SV2C: variants seen among roughly 807,000 people sequenced by gnomAD.
The protein encoded by SV2C is solute carrier family 22 member B3.
A neutral mutation model predicts 79.7 loss-of-function variants in SV2C; 49 were observed. The observed-to-expected ratio is 0.61, with a 90% CI of 0.49 to 0.78. The LOEUF is 0.78. SV2C is among the 30% of genes least tolerant of loss of function. The pLI is 0.00. For missense variants in SV2C, 833 were observed against 912.9 expected (o/e 0.91, Z 1.13); for synonymous variants, 334 against 333.2 (o/e 1.00, Z -0.03).
chr5:76,131,887 A>G lies in SV2C; in HGVS notation c.137A>G (p.Tyr46Cys). The change falls in exon 2 of 13, where the codon TAC becomes TGC. Residue 46 changes from tyrosine to cysteine, a missense_variant. Transcript: ENST00000502798. The part of the protein sequence containing the change: ...RAQDEYTQRS[Y>C]SRFQDEEDDD... ...CAGGATGAATACACCCAGAGGTCCT[A>G]CAGTCGGTTCCAAGATGAAGAAGAT... 1.2e-6 allele frequency: 2 copies of G among 1,614,110 alleles called. No homozygotes were observed. The highest frequency in any genetic ancestry group is 1.7e-6 in the Non-Finnish European group (2 of 1,180,002).
chr5:76,205,508 C>T (rs190976375), intron 3 of SV2C, among the ~76,000 whole-genome samples: 1 of 152,108 alleles, frequency 6.6e-6, no homozygotes, highest in East Asian at 1.9e-4. Context: ...ATATCCAATA[C>T]TGAGAAAAAT....
intron 4 of SV2C, among the ~76,000 whole-genome samples, chr5:76,263,677 A>C (rs1746554186): frequency 6.6e-6 from 1 of 152,136 alleles, no homozygotes; most frequent in Non-Finnish European, 1.5e-5. Flanking sequence ...AAAATCCCTC[A>C]GCATTTGCTT....
the SV2C span, among the ~76,000 whole-genome samples, chr5:75,927,792 G>A: frequency 1.3e-5 from 2 of 152,262 alleles, no homozygotes; most frequent in East Asian, 1.9e-4. Context: ...TCAGCAAGAG[G>A]TACACATGAA....
chr5:76,320,458 G>A (rs1335763641), intron 12 of SV2C, among the ~76,000 whole-genome samples: 1 of 152,092 alleles, frequency 6.6e-6, no homozygotes, highest in Non-Finnish European at 1.5e-5. Context: ...GTCAATATTG[G>A]CTCATCAGTT....
the SV2C span, among the ~76,000 whole-genome samples, chr5:75,947,589 C>T: frequency 0.031 from 4,687 of 152,066 alleles, 212 homozygotes; most frequent in African/African-American, 0.1. Flanking sequence ...TGCTCCACTA[C>T]GCAGAGTGAA....
At chr5:76,275,577 C>A (rs187493976) in intron 4 of SV2C, among the ~76,000 whole-genome samples, 1 of 152,214 alleles carries the variant, frequency 6.6e-6, no homozygotes, top group East Asian at 1.9e-4. Context: ...GGACAGAGCC[C>A]AGACAAGAAC....
chr5:76,202,129 A>G (rs1744468523), intron 3 of SV2C, among the ~76,000 whole-genome samples: 1 of 152,056 alleles, frequency 6.6e-6, no homozygotes, highest in Non-Finnish European at 1.5e-5. Flanking sequence ...ATTCTGAGCT[A>G]TGAGGTTTTT....
the SV2C span, among the ~76,000 whole-genome samples, chr5:75,988,464 C>A: frequency 6.6e-6 from 1 of 152,010 alleles, no homozygotes; most frequent in African/African-American, 2.4e-5. Context: ...AGGACCTCAG[C>A]TGACCTGGAG....
chr5:76,287,556 T>C lies in SV2C; in HGVS notation c.1137+1686T>C, dbSNP rs149230360. Among the ~76,000 whole-genome samples, 124 of 152,254 alleles carry C rather than the reference T, an allele frequency of 8.1e-4. 1 individual carries two copies. Among genetic ancestry groups the C allele is most frequent in the African/African-American group, 2.9e-3 (120 of 41,540 alleles). The stretch of plus-strand genomic sequence containing the variant: ...GCCAGTCTCCTTCCTGCCTGCTTTA[T>C]AGTTCCCCTCTCTCTGCAGCTACAT... On this transcript the variant is annotated intron_variant, in intron 6 of 12. Coordinates refer to ENST00000502798, the MANE Select transcript of SV2C (RefSeq NM_014979.4).
chr5:76,336,633 G>T (rs1749334742), downstream of SV2C, among the ~76,000 whole-genome samples: 1 of 152,112 alleles, frequency 6.6e-6, no homozygotes, highest in African/African-American at 2.4e-5. Flanking sequence ...GACTCCGTCC[G>T]CAATCCCGGC....
chr5:76,261,341 G>A (rs979566201), intron 4 of SV2C, among the ~76,000 whole-genome samples: 1 of 152,104 alleles, frequency 6.6e-6, no homozygotes, highest in Non-Finnish European at 1.5e-5. Context: ...GGAGTTTTTG[G>A]GCTGAGACGA....
At chr5:75,960,043 T>C in the SV2C span, among the ~76,000 whole-genome samples, 1 of 152,128 alleles carries the variant, frequency 6.6e-6, no homozygotes, top group East Asian at 1.9e-4. Flanking sequence ...AGTGGCATCA[T>C]AGGATTACAG....
At chr5:76,144,664 A>G (rs573099816) in intron 2 of SV2C, among the ~76,000 whole-genome samples, 5 of 152,190 alleles carry the variant, frequency 3.3e-5, no homozygotes, top group Non-Finnish European at 7.3e-5. Context: ...GATATAAGAA[A>G]CCATGACCTT....
chr5:76,309,022 G>A lies in SV2C; in HGVS notation c.2000+7477G>A, dbSNP rs539252383. On this transcript the variant is annotated intron_variant, in intron 12 of 12. Coordinates refer to ENST00000502798, the MANE Select transcript of SV2C (RefSeq NM_014979.4). ...AGTGCATGATGCTCAGAGCATCAGA[G>A]AGGTTTTCTTGAAAGAAGTTCCATT... Among the ~76,000 whole-genome samples the A allele has an allele frequency of 1.2e-4, 19 of 152,198 alleles. 1 individual carries two copies. In the South Asian group the frequency reaches 3.9e-3, roughly 32 times the overall value.
intron 4 of SV2C, among the ~76,000 whole-genome samples, chr5:76,267,027 G>A (rs901689566): frequency 1.3e-5 from 2 of 152,162 alleles, no homozygotes; most frequent in African/African-American, 4.8e-5. Context: ...GACATCAAAG[G>A]CATAAATATG....
chr5:76,041,528 G>A, the SV2C span, among the ~76,000 whole-genome samples: 1 of 152,160 alleles, frequency 6.6e-6, no homozygotes, highest in African/African-American at 2.4e-5. Flanking sequence ...CTAAAAGCAA[G>A]CTCAGGACAT....
the SV2C span, among the ~76,000 whole-genome samples, chr5:75,879,031 T>A: frequency 6.6e-6 from 1 of 152,092 alleles, no homozygotes; most frequent in Non-Finnish European, 1.5e-5. Context: ...GTGTCACTTT[T>A]AAACAACCAG....
chr5:76,131,933 T>G lies in SV2C; in HGVS notation c.183T>G (p.Ala61=), dbSNP rs747107546. The change falls in exon 2 of 13, where the codon GCT becomes GCG. Residue 61 remains alanine (A), a synonymous_variant. Coordinates refer to ENST00000502798, the MANE Select transcript of SV2C (RefSeq NM_014979.4). ...DEEDDDDYYP[A]GETYNGEAND... Reference sequence around the variant, plus strand: ...AAGATGATGATGACTACTACCCGGCTGGAGAAACCTATAATGGTGAGGCCA... The same window carrying G: ...AAGATGATGATGACTACTACCCGGCGGGAGAAACCTATAATGGTGAGGCCA... 2.5e-6 allele frequency: 4 copies of G among 1,613,804 alleles called. No homozygotes were observed. The highest frequency in any genetic ancestry group is 1.3e-5 in the African/African-American group (1 of 74,882).
the SV2C span, among the ~76,000 whole-genome samples, chr5:75,975,386 A>G: frequency 6.6e-6 from 1 of 152,198 alleles, no homozygotes; most frequent in Admixed American, 6.5e-5. Context: ...GAACTTGGAT[A>G]TAAATGACCA....
Sources: allele counts gnomAD v4.1 joint callset (sites outside exome capture counted in the v4.1 genomes callset), GRCh38; gene constraint gnomAD v4.1.1; transcripts MANE v1.5; gene names NCBI Gene and HGNC (gene_info 2026-07-23, HGNC 2026-07-21).